Variants in KATNIP observed in about 807,000 individuals in gnomAD.
KATNIP encodes the protein katanin-interacting protein.
A neutral mutation model predicts 174.0 loss-of-function variants in KATNIP; 126 were observed. That is an observed-to-expected ratio of 0.72 (90% CI 0.63 to 0.84). KATNIP has a LOEUF of 0.84. KATNIP is among the 40% of genes least tolerant of loss of function. The probability of loss-of-function intolerance (pLI) is 0.00; values close to 1 mark genes in which losing one functional copy is unlikely to be tolerated. For synonymous variants in KATNIP, 810 were observed against 835.7 expected (o/e 0.97, Z 0.53); for missense variants, 1,958 against 2,109.7 (o/e 0.93, Z 1.41).
intron 8 of KATNIP, among the ~76,000 whole-genome samples, chr16:27,690,363 T>TGATAGATAGATAGATAGATA (rs200443119): frequency 6.6e-5 from 6 of 91,044 alleles, no homozygotes; most frequent in African/African-American, 2.4e-4. Flanking sequence ...GATAGATAGA[T>TGATAGATAGATAGATAGATA]GATAGATAGA....
Position 27,669,707 on chromosome 16 carries a change from C to T in KATNIP, c.541-8022C>T, listed in dbSNP as rs548633288. Among the ~76,000 whole-genome samples, 6 of 152,242 alleles carry T rather than the reference C, an allele frequency of 3.9e-5. No individual in the cohort carries two copies. In the South Asian group the frequency reaches 6.2e-4, roughly 16 times the overall value. ...CCCCTAGGACAGATGGTTTAGATCA[C>T]GTGAGCATTATAAGGGTCTAGGTTC... On this transcript the variant is annotated intron_variant, in intron 6 of 27. Transcript: ENST00000261588.
intron 6 of KATNIP, among the ~76,000 whole-genome samples, chr16:27,650,973 A>G (rs1000710525): frequency 1.3e-5 from 2 of 152,350 alleles, no homozygotes; most frequent in South Asian, 4.1e-4. Context: ...TGTGCAAAAC[A>G]GCCATCAATT....
chr16:27,611,865 G>C (rs1055213023), intron 2 of KATNIP, among the ~76,000 whole-genome samples: 7 of 152,132 alleles, frequency 4.6e-5, no homozygotes, highest in Admixed American at 2.0e-4. Context: ...ATTTCACACT[G>C]TATTGTATAT....
chr16:27,776,916 GCT>G lies in KATNIP; in HGVS notation c.4450-7_4450-6del, dbSNP rs1197884190. ...AAACATGCCTGTTTTAATTAGTGCC[GCT>G]CTCTGACAGGTGAACCGGGTTTATG... On this transcript the variant is annotated splice_polypyrimidine_tract_variant and intron_variant, in intron 24 of 27. Coordinates refer to ENST00000261588, the MANE Select transcript of KATNIP (RefSeq NM_015202.5). The surrounding 1 kb of genome is among the most constrained non-coding windows in gnomAD (Gnocchi z 4.7). The G allele has an allele frequency of 9.5e-6, 15 of 1,581,602 alleles. No individual in the cohort carries two copies. The highest frequency in any genetic ancestry group is 1.3e-5 in the Non-Finnish European group (15 of 1,150,828).
chr16:27,765,852 T>A (rs1238625911), intron 19 of KATNIP, among the ~76,000 whole-genome samples: 3 of 152,164 alleles, frequency 2.0e-5, no homozygotes, highest in Non-Finnish European at 4.4e-5. Flanking sequence ...TACTTAACCA[T>A]TTCCTGATTT....
chr16:27,608,399 C>CTTTT (rs11374534), intron 2 of KATNIP, among the ~76,000 whole-genome samples: 24 of 97,540 alleles, frequency 2.5e-4, no homozygotes, highest in African/African-American at 4.1e-4. Context: ...ACTGGTGAAT[C>CTTTT]TTTTTTTTTT....
intron 14 of KATNIP, among the ~76,000 whole-genome samples, chr16:27,737,384 TA>T (rs1030142987): frequency 7.4e-5 from 11 of 148,098 alleles, no homozygotes; most frequent in African/African-American, 9.9e-5. Flanking sequence ...CCTTGTCTCT[TA>T]AAAAAAAAAG....
intron 15 of KATNIP, among the ~76,000 whole-genome samples, chr16:27,747,490 A>G (rs965195535): frequency 6.6e-6 from 1 of 152,032 alleles, no homozygotes; most frequent in Non-Finnish European, 1.5e-5. Context: ...ATTCTCAGGC[A>G]GGTTCTCTCT....
intron 2 of KATNIP, among the ~76,000 whole-genome samples, chr16:27,604,726 G>T (rs1409785308): frequency 6.6e-6 from 1 of 152,170 alleles, no homozygotes; most frequent in Non-Finnish European, 1.5e-5. Flanking sequence ...TCCTAGGGTT[G>T]TGTGAATGTG....
Position 27,634,013 on chromosome 16 carries a change from C to G in KATNIP, c.408+2851C>G, listed in dbSNP as rs367708319. 7.2e-5 allele frequency among the ~76,000 whole-genome samples: 11 copies of G among 152,308 alleles called. No individual in the cohort carries two copies. In the East Asian group the frequency reaches 1.3e-3, roughly 19 times the overall value. On this transcript the variant is annotated intron_variant, in intron 5 of 27. Transcript: ENST00000261588. ...CCCTGCAATGAATATTAATTTGTTG[C>G]TAATGAGGCCTTTCTTCACTTCTCA...
chr16:27,646,667 G>A (rs983280951), intron 5 of KATNIP, among the ~76,000 whole-genome samples: 1 of 152,216 alleles, frequency 6.6e-6, no homozygotes, highest in Non-Finnish European at 1.5e-5. Flanking sequence ...GCAAGAAGGT[G>A]GGCTGTGGCC....
intron 2 of KATNIP, among the ~76,000 whole-genome samples, chr16:27,594,387 G>A (rs567287169): frequency 1.8e-4 from 27 of 152,126 alleles, no homozygotes; most frequent in African/African-American, 5.5e-4. Context: ...CGTGACTCAC[G>A]TCTGGCCAGT....
In KATNIP at chr16:27,751,843, G is replaced by C. The variant is rs199508852; in HGVS notation, c.3471G>C (p.Glu1157Asp). 13 of 1,614,200 alleles carry C rather than the reference G, an allele frequency of 8.1e-6. No individual in the cohort carries two copies. In the African/African-American group the frequency reaches 1.6e-4, roughly 20 times the overall value. Residue 1157 changes from glutamate to aspartate, a missense_variant, in exon 17 of 28, where the codon GAG becomes GAC. Coordinates refer to ENST00000261588, the MANE Select transcript of KATNIP (RefSeq NM_015202.5). ...GCCTGGACAGCCTGCAGGATGAAGAGGCAATGAGGAGGCCCAGCACGGCCG... is the reference window on the plus strand; with the variant it reads ...GCCTGGACAGCCTGCAGGATGAAGACGCAATGAGGAGGCCCAGCACGGCCG... Reference protein sequence around the residue: ...VGSLDSLQDEEAMRRPSTADG... With the variant: ...VGSLDSLQDEDAMRRPSTADG...
chr16:27,718,052 A>G (rs1267921664), intron 13 of KATNIP, among the ~76,000 whole-genome samples: 1 of 152,176 alleles, frequency 6.6e-6, no homozygotes, highest in Non-Finnish European at 1.5e-5. Context: ...TAAATAAGCT[A>G]CTTACATGTG....
chr16:27,706,144 A>AAGCTCAGTCCCGCCCCCTGG (rs1555479230), intron 12 of KATNIP, among the ~76,000 whole-genome samples: 6 of 152,152 alleles, frequency 3.9e-5, no homozygotes, highest in African/African-American at 1.4e-4. Flanking sequence ...GCACAGTGGA[A>AAGCTCAGTCCCGCCCCCTGG]AGCTCAGTCC....
Position 27,749,958 on chromosome 16 carries a change from A to G in KATNIP, c.2998A>G (p.Ser1000Gly), listed in dbSNP as rs2081437015. 6.2e-7 allele frequency: 1 copy of G among 1,614,124 alleles called. No homozygotes were observed. The highest frequency in any genetic ancestry group is 8.5e-7 in the Non-Finnish European group (1 of 1,180,040). The change falls in exon 16 of 28, where the codon AGT becomes GGT. Residue 1000 changes from serine (S) to glycine (G), a missense_variant. Physicochemically the swap from Ser to Gly is moderately conservative, Grantham distance 56. This residue lies in a region of KATNIP where 1,557 missense variants were observed against 1,617.8 expected (regional missense o/e 0.96). Coordinates refer to ENST00000261588, the MANE Select transcript of KATNIP (RefSeq NM_015202.5). ...YVGLNGIEIF[S>G]SKGEPVQISN... is the part of the protein sequence containing the mutation. ...CGGCCTCAACGGAATAGAAATATTCAGTTCCAAGGGTGAACCGGTGCAGAT... is the reference window on the plus strand; with the variant it reads ...CGGCCTCAACGGAATAGAAATATTCGGTTCCAAGGGTGAACCGGTGCAGAT...
intron 27 of KATNIP, 60 bp from the exon 28 acceptor site, chr16:27,778,514 G>C: frequency 6.5e-7 from 1 of 1,546,924 alleles, no homozygotes; most frequent in Non-Finnish European, 8.9e-7. Context: ...GGGAGTGTGG[G>C]GCACCCCTCC....
intron 8 of KATNIP, among the ~76,000 whole-genome samples, chr16:27,693,028 T>A (rs2078789555): frequency 1.2e-5 from 1 of 84,062 alleles, no homozygotes; most frequent in Non-Finnish European, 2.3e-5. Context: ...ACTCCTTTTG[T>A]GGTCCTCCTG....
intron 6 of KATNIP, among the ~76,000 whole-genome samples, chr16:27,655,382 C>T (rs2077248062): frequency 6.6e-6 from 1 of 150,408 alleles, no homozygotes; most frequent in South Asian, 2.1e-4. Flanking sequence ...TACAGGTACG[C>T]ACCACCATGT....
Sources: gnomAD v4.1 joint callset for allele counts (sites outside exome capture counted in the v4.1 genomes callset) on GRCh38, gnomAD v4.1.1 for gene constraint, gnomAD v4.1.1 regional missense constraint, Gnocchi (gnomAD v3.1) non-coding constraint, MANE v1.5 for transcripts, NCBI Gene and HGNC (gene_info 2026-07-23, HGNC 2026-07-21) for gene names.